The following DNAH6 variants were observed in gnomAD, a reference collection of about 807,000 sequenced individuals.
DNAH6 encodes the protein dynein axonemal heavy chain 6, also known as axonemal beta dynein heavy chain 6.
Under a neutral mutation model 491.4 loss-of-function variants are expected in DNAH6, and 340 were observed. The observed-to-expected ratio is 0.69, with a 90% confidence interval of 0.63 to 0.76. DNAH6 has a LOEUF of 0.76. Among genes scored for constraint, DNAH6 ranks in the 30% least tolerant of loss-of-function variants. The pLI is 0.00. For missense variants in DNAH6, 4,443 were observed against 4,972.2 expected (o/e 0.89, Z 3.20); for synonymous variants, 1,603 against 1,686.1 (o/e 0.95, Z 1.21).
At chr2:84,762,717 C>T (rs1462925495) in intron 63 of DNAH6, 38 bp from the exon 64 acceptor site, 1 of 1,412,478 alleles carries the variant, frequency 7.1e-7, no homozygotes, top group African/African-American at 1.4e-5. Flanking sequence ...ATGAAGGATC[C>T]TCATTCAACA....
intron 33 of DNAH6, among the ~76,000 whole-genome samples, chr2:84,642,429 C>T (rs1689501500): frequency 6.6e-6 from 1 of 152,004 alleles, no homozygotes; most frequent in African/African-American, 2.4e-5. Flanking sequence ...CCACGTTATA[C>T]ATGTATATAG....
In DNAH6 at chr2:84,801,790, A is replaced by T. The variant is rs1359723667; in HGVS notation, c.11482-3875A>T. On this transcript the variant is annotated intron_variant, in intron 70 of 76. Transcript: ENST00000389394. The stretch of plus-strand genomic sequence containing the variant: ...TCCCAGCTACTCAGGAGGCTGAGAC[A>T]GGAGAATTGCTTGAACCCAGGAGGC... 2.0e-5 allele frequency among the ~76,000 whole-genome samples: 3 copies of T among 151,830 alleles called. No homozygotes were observed. The East Asian group carries it at 5.8e-4, about 29-fold the overall frequency.
At chr2:84,620,947 A>G in intron 24 of DNAH6, among the ~76,000 whole-genome samples, 1 of 152,202 alleles carries the variant, frequency 6.6e-6, no homozygotes, top group East Asian at 1.9e-4. Context: ...AAATAAGTGG[A>G]GAAATCCATG....
At chr2:84,639,232 C>T (rs778696488) in intron 31 of DNAH6, among the ~76,000 whole-genome samples, 1 of 152,082 alleles carries the variant, frequency 6.6e-6, no homozygotes, top group Non-Finnish European at 1.5e-5. Context: ...ATGACTTGCT[C>T]ATTGTCCCAA....
chr2:84,810,424 C>T (rs1679858349), intron 72 of DNAH6, among the ~76,000 whole-genome samples: 1 of 152,148 alleles, frequency 6.6e-6, no homozygotes, highest in African/African-American at 2.4e-5. Context: ...GAGGAATTCC[C>T]CTAATGGAAG....
chr2:84,595,307 T>A (rs1052761281), intron 17 of DNAH6, among the ~76,000 whole-genome samples: 2 of 152,158 alleles, frequency 1.3e-5, no homozygotes, highest in African/African-American at 2.4e-5. Flanking sequence ...GTTAAACAGG[T>A]ATATAATCAA....
chr2:84,549,432 G>C (rs1182833124), intron 8 of DNAH6, among the ~76,000 whole-genome samples: 2 of 152,120 alleles, frequency 1.3e-5, no homozygotes, highest in Non-Finnish European at 2.9e-5. Context: ...ACTCAAGTAA[G>C]GAAACGTAAA....
At chr2:84,475,524 T>G in the DNAH6 span, among the ~76,000 whole-genome samples, 1 of 152,208 alleles carries the variant, frequency 6.6e-6, no homozygotes, top group African/African-American at 2.4e-5. Flanking sequence ...TGTGTCCAAA[T>G]TGCCCACAAT....
At chr2:84,737,448 C>T (rs558587651) in intron 62 of DNAH6, among the ~76,000 whole-genome samples, 105 of 151,470 alleles carry the variant, frequency 6.9e-4, no homozygotes, top group Admixed American at 2.6e-4. Flanking sequence ...TTGTAAAGGG[C>T]TTTTTTTTCC....
chr2:84,495,019 C>G, the DNAH6 span, among the ~76,000 whole-genome samples: 1 of 152,116 alleles, frequency 6.6e-6, no homozygotes, highest in Non-Finnish European at 1.5e-5. Flanking sequence ...TGTGGAATCA[C>G]CTGGGGTAGG....
chr2:84,571,610 T>C (rs1472809427), intron 11 of DNAH6, among the ~76,000 whole-genome samples: 4 of 152,074 alleles, frequency 2.6e-5, no homozygotes, highest in Non-Finnish European at 5.9e-5. Context: ...GATTGAGATA[T>C]TGTCCCACAT....
intron 22 of DNAH6, 74 bp downstream of exon 22, chr2:84,611,928 AAT>A (rs1686380592): frequency 7.6e-7 from 1 of 1,310,242 alleles, no homozygotes; most frequent in African/African-American, 1.5e-5. Flanking sequence ...CCCAGACTAA[AAT>A]GTTTCTCTGG....
Position 84,529,110 on chromosome 2 carries a change from T to TG in DNAH6, c.606_607insG (p.Tyr203ValfsTer12). 6.4e-6 allele frequency: 10 copies of TG among 1,550,910 alleles called. No individual in the cohort carries two copies. The highest frequency in any genetic ancestry group is 8.7e-6 in the Non-Finnish European group (10 of 1,146,462). On this transcript the variant is annotated frameshift_variant, in exon 4 of 77. Transcript: ENST00000389394. LOFTEE classifies it high-confidence loss of function. ...GTGAAAATGAACATCTTGGATTTCT[T>TG]TATATGATCCCTGCAGTGCCAAGAT...
the DNAH6 span, among the ~76,000 whole-genome samples, chr2:84,484,168 G>T: frequency 6.6e-6 from 1 of 152,020 alleles, no homozygotes; most frequent in African/African-American, 2.4e-5. Flanking sequence ...AGCGTGTCTG[G>T]GTTGCTGACA....
chr2:84,526,928 G>A (rs1676654864), intron 3 of DNAH6, among the ~76,000 whole-genome samples: 1 of 152,086 alleles, frequency 6.6e-6, no homozygotes, highest in African/African-American at 2.4e-5. Context: ...ATAAAAGTGG[G>A]GCTGAAAAGG....
chr2:84,756,836 C>T (rs1236352441), intron 63 of DNAH6, among the ~76,000 whole-genome samples: 6 of 152,194 alleles, frequency 3.9e-5, no homozygotes, highest in Non-Finnish European at 7.3e-5. Flanking sequence ...CTGAAAAATG[C>T]TCTGAGGGCT....
the DNAH6 span, among the ~76,000 whole-genome samples, chr2:84,503,439 CACAGTT>C: frequency 6.6e-6 from 1 of 151,974 alleles, no homozygotes; most frequent in African/African-American, 2.4e-5. Context: ...ATTTACACAC[CACAGTT>C]ACAGTGTTAT....
the DNAH6 span, among the ~76,000 whole-genome samples, chr2:84,484,579 C>G: frequency 2.0e-5 from 3 of 152,146 alleles, no homozygotes; most frequent in Admixed American, 6.6e-5. Context: ...GTTTTGTGGC[C>G]TCTTTTTCCA....
At chr2:84,472,650 A>G in the DNAH6 span, among the ~76,000 whole-genome samples, 1 of 152,204 alleles carries the variant, frequency 6.6e-6, no homozygotes, top group African/African-American at 2.4e-5. Flanking sequence ...TGTTTCCATG[A>G]TAGATCATAT....
Sources: allele counts gnomAD v4.1 joint callset (sites outside exome capture counted in the v4.1 genomes callset), GRCh38; gene constraint gnomAD v4.1.1; transcripts MANE v1.5; gene names NCBI Gene and HGNC (gene_info 2026-07-23, HGNC 2026-07-21).